CFH: variants seen among roughly 807,000 people sequenced by gnomAD.
CFH encodes the protein complement factor H, also known as H factor 1 (complement).
A neutral mutation model predicts 147.3 loss-of-function variants in CFH; 53 were observed. The observed-to-expected ratio is 0.36, with a 90% confidence interval of 0.29 to 0.45. The LOEUF is 0.45. Ranked by LOEUF, CFH falls within the 20% of genes least tolerant of loss-of-function variation. CFH has a pLI of 1.00. For missense variants in CFH, 1,380 were observed against 1,498.0 expected (o/e 0.92, Z 1.30); for synonymous variants, 536 against 489.4 (o/e 1.10, Z -1.26).
At position 196,685,710 on chromosome 1, in the gene CFH, G is replaced by C. The variant is rs34137105; in HGVS notation, c.964+473G>C. Among the ~76,000 whole-genome samples, 1,057 of 152,134 alleles carry C rather than the reference G, an allele frequency of 6.9e-3. 9 individuals are homozygous for C. The highest frequency in any genetic ancestry group is 0.024 in the African/African-American group (984 of 41,520). On this transcript the variant is annotated intron_variant, in intron 7 of 21. Transcript: ENST00000367429. ...CAGGCTACAGTGATCAGAAGGCTTG[G>C]CTGGGAAGGAGGATCTGCTTCTAAC...
intron 17 of CFH, among the ~76,000 whole-genome samples, chr1:196,737,879 T>C (rs1285586707): frequency 6.6e-6 from 1 of 152,178 alleles, no homozygotes; most frequent in East Asian, 1.9e-4. Flanking sequence ...TAAAAAATAA[T>C]ATCTAGTGAA....
chr1:196,671,587 T>TACACACAC (rs551313147), intron 1 of CFH, among the ~76,000 whole-genome samples: 9,449 of 129,364 alleles, frequency 0.073, 390 homozygotes, highest in Admixed American at 0.11. Context: ...AAAAGACTAA[T>TACACACAC]ACACACACAC....
At chr1:196,676,873 G>A (rs1667475013) in intron 4 of CFH, 1 of 152,368 alleles carries the variant, frequency 6.6e-6, no homozygotes, top group South Asian at 2.1e-4. Flanking sequence ...ACTAAAAAAT[G>A]ACCTACTGAA....
intron 9 of CFH, among the ~76,000 whole-genome samples, chr1:196,706,137 C>A (rs1402500626): frequency 6.6e-6 from 1 of 151,862 alleles, no homozygotes; most frequent in Non-Finnish European, 1.5e-5. Flanking sequence ...GCACAGAAGG[C>A]AGAACTTAGA....
intron 9 of CFH, among the ~76,000 whole-genome samples, chr1:196,713,029 G>A (rs12042805): frequency 0.2 from 29,625 of 151,634 alleles, 3,516 homozygotes; most frequent in East Asian, 0.39. Flanking sequence ...TTGAACATTT[G>A]GGTTGGTTCC....
chr1:196,665,710 A>G (rs1243345195), intron 1 of CFH, among the ~76,000 whole-genome samples: 1 of 152,034 alleles, frequency 6.6e-6, no homozygotes, highest in African/African-American at 2.4e-5. Context: ...CAGGTTCAAG[A>G]GATTCTCCTG....
At chr1:196,704,931 G>A (rs1360224807) in intron 9 of CFH, among the ~76,000 whole-genome samples, 1 of 152,166 alleles carries the variant, frequency 6.6e-6, no homozygotes, top group East Asian at 1.9e-4. Flanking sequence ...TGAATCTGAA[G>A]GATGCCTTCA....
intron 17 of CFH, among the ~76,000 whole-genome samples, chr1:196,738,143 T>C (rs935061106): frequency 6.6e-6 from 1 of 152,156 alleles, no homozygotes; most frequent in Non-Finnish European, 1.5e-5. Flanking sequence ...AACAGAAGCA[T>C]GGGGATAACT....
rs184177386 is a variant in CFH, at chr1:196,696,332, A to G, written c.1336+6093A>G. ...CATTCAAAACTACACAACTACATGG[A>G]AACTGAACAACCTGCTACTGAATGA... On this transcript the variant is annotated intron_variant, in intron 9 of 21. Transcript: ENST00000367429. Among the ~76,000 whole-genome samples, 9 of 152,292 alleles carry G rather than the reference A, an allele frequency of 5.9e-5. No homozygotes were observed. The East Asian group carries it at 1.7e-3, about 29-fold the overall frequency.
At chr1:196,698,510 A>T (rs542408025) in intron 9 of CFH, among the ~76,000 whole-genome samples, 13 of 152,306 alleles carry the variant, frequency 8.5e-5, no homozygotes, top group Admixed American at 4.6e-4. Flanking sequence ...CACGCTCCCA[A>T]CACTAAAGCA....
Position 196,737,025 on chromosome 1 carries a change from GT to G in CFH, c.2596+23del. 6.3e-7 allele frequency: 1 copy of G among 1,594,534 alleles called. No individual in the cohort carries two copies. On this transcript the variant is annotated intron_variant, in intron 16 of 21. Coordinates refer to ENST00000367429, the MANE Select transcript of CFH (RefSeq NM_000186.4). ...TGTGTTGGTCAGTAGTGTATAATTTGTTTTACATAATTCTTTCAAATGAGGT... is the reference window on the plus strand; with the variant it reads ...TGTGTTGGTCAGTAGTGTATAATTTGTTTACATAATTCTTTCAAATGAGGT...
intron 3 of CFH, among the ~76,000 whole-genome samples, chr1:196,675,137 TC>T (rs1667412313): frequency 6.6e-6 from 1 of 152,290 alleles, no homozygotes; most frequent in African/African-American, 2.4e-5. Context: ...TTGTGTCCTC[TC>T]TTTAAGTTCA....
intron 20 of CFH, among the ~76,000 whole-genome samples, chr1:196,745,084 T>A (rs1189007610): frequency 6.6e-6 from 1 of 152,190 alleles, no homozygotes; most frequent in African/African-American, 2.4e-5. Flanking sequence ...TTTTGTCTAG[T>A]TGCTTTCAAG....
chr1:196,733,395 C>A (rs2284664), intron 15 of CFH, among the ~76,000 whole-genome samples: 1 of 151,796 alleles, frequency 6.6e-6, no homozygotes, highest in Non-Finnish European at 1.5e-5. Flanking sequence ...ATTTGCTTTA[C>A]GATCTATGGA....
In CFH at chr1:196,733,680, C is replaced by T. The variant is rs1329428; in HGVS notation, c.2414-3144C>T. 0.44 allele frequency among the ~76,000 whole-genome samples: 66,730 copies of T among 151,724 alleles called. 14,822 individuals carry two copies. The highest frequency in any genetic ancestry group is 0.56 in the South Asian group (2,699 of 4,814). Reference sequence around the variant, plus strand: ...TGCCCTCTACTCCCAGAACTAAGAGCTTTAGAATACAGTCCCTGAATGAAA... The same window carrying T: ...TGCCCTCTACTCCCAGAACTAAGAGTTTTAGAATACAGTCCCTGAATGAAA... On this transcript the variant is annotated intron_variant, in intron 15 of 21. Transcript: ENST00000367429.
rs548643227 is a variant in CFH at position 196,660,731 on chromosome 1, T to C, written c.58+8556T>C. Among the ~76,000 whole-genome samples the C allele has an allele frequency of 6.1e-4, 93 of 152,318 alleles. 1 individual carries two copies. Among genetic ancestry groups the C allele is most frequent in the African/African-American group, 2.1e-3 (88 of 41,574 alleles). On this transcript the variant is annotated intron_variant, in intron 1 of 21. Transcript: ENST00000367429. ...GTAATCAATATGATAATTCTTTATATATAGTAAACATATTCACAGAGTAAA... is the reference window on the plus strand; with the variant it reads ...GTAATCAATATGATAATTCTTTATACATAGTAAACATATTCACAGAGTAAA...
chr1:196,674,459 T>C (rs752613738), intron 3 of CFH, among the ~76,000 whole-genome samples: 3 of 152,194 alleles, frequency 2.0e-5, no homozygotes, highest in Non-Finnish European at 4.4e-5. Context: ...TTAAAAATAC[T>C]ACTCTTTCAG....
intron 9 of CFH, among the ~76,000 whole-genome samples, chr1:196,705,923 A>G (rs941641889): frequency 6.6e-6 from 1 of 152,162 alleles, no homozygotes; most frequent in Non-Finnish European, 1.5e-5. Flanking sequence ...CCTGCTAAAT[A>G]AACCTATACA....
At position 196,673,971 on chromosome 1, in the gene CFH, T is replaced by C. The variant is rs201686629; in HGVS notation, c.350+9T>C. On this transcript the variant is annotated intron_variant, in intron 3 of 21. Coordinates refer to ENST00000367429, the MANE Select transcript of CFH (RefSeq NM_000186.4). ...TATACATGTAATGAGGGGTATGTAG[T>C]CCATACGAAAAGAGGTTTATAATTA... 6.3e-5 allele frequency: 98 copies of C among 1,557,084 alleles called. 1 individual carries two copies. In the East Asian group the frequency reaches 1.8e-3, roughly 29 times the overall value.
Sources: gnomAD v4.1 joint callset for allele counts (sites outside exome capture counted in the v4.1 genomes callset) on GRCh38, gnomAD v4.1.1 for gene constraint, MANE v1.5 for transcripts, NCBI Gene and HGNC (gene_info 2026-07-23, HGNC 2026-07-21) for gene names.